Variants in SETD5 observed in about 807,000 individuals in gnomAD.
SETD5 encodes the protein SET domain containing 5.
Under a neutral mutation model 153.3 loss-of-function variants are expected in SETD5, and 44 were observed. That is an observed-to-expected ratio of 0.29 (90% confidence interval 0.23 to 0.37). The LOEUF (loss-of-function observed/expected upper bound fraction) is 0.37, where lower values mean the gene tolerates loss of function less well. SETD5 is among the 10% of genes least tolerant of loss of function. The pLI, the probability that SETD5 is intolerant of heterozygous loss-of-function variation, is 1.00. For synonymous variants in SETD5, 716 were observed against 645.2 expected (o/e 1.11, Z -1.66); for missense variants, 1,544 against 1,768.0 (o/e 0.87, Z 2.27).
At chr3:9,430,241 A>G in intron 3 of SETD5, 8 of 984,940 alleles carry the variant, frequency 8.1e-6, no homozygotes, top group Non-Finnish European at 9.6e-6. Context: ...AAAGCCACCT[A>G]ATATAACTTA....
chr3:9,462,337 C>G (rs2125469049), intron 17 of SETD5, among the ~76,000 whole-genome samples: 1 of 152,138 alleles, frequency 6.6e-6, no homozygotes, highest in Non-Finnish European at 1.5e-5. Context: ...CCTGTAATCC[C>G]AGCACTTTGG....
At chr3:9,412,152 AT>A (rs1302590377) in intron 1 of SETD5, among the ~76,000 whole-genome samples, 6 of 152,238 alleles carry the variant, frequency 3.9e-5, no homozygotes, top group African/African-American at 1.4e-4. Context: ...AGTAAGTTAT[AT>A]AACACCAGAT....
intron 1 of SETD5, among the ~76,000 whole-genome samples, chr3:9,403,125 G>A (rs1435683071): frequency 6.6e-6 from 1 of 152,102 alleles, no homozygotes; most frequent in African/African-American, 2.4e-5. Flanking sequence ...AGATTATTCA[G>A]TTTGGCATAC....
intron 1 of SETD5, among the ~76,000 whole-genome samples, chr3:9,401,897 A>G (rs1282200411): frequency 4.6e-5 from 7 of 152,246 alleles, no homozygotes; most frequent in African/African-American, 1.2e-4. Flanking sequence ...CAAAATGTGC[A>G]TCGTATATTT....
Position 9,431,836 on chromosome 3 carries a change from C to CA in SETD5, c.72-2000dup, listed in dbSNP as rs954653709. 1.5e-3 allele frequency: 771 copies of CA among 530,856 alleles called. 2 individuals are homozygous for CA. The highest frequency in any genetic ancestry group is 2.9e-3 in the Middle Eastern group (3 of 1,038). The allele number at this position is 530,856 out of a possible 1,614,324, so 32.9% of individuals were successfully genotyped here. On this transcript the variant is annotated intron_variant, in intron 3 of 22. Coordinates refer to ENST00000402198, the MANE Select transcript of SETD5 (RefSeq NM_001080517.3). ...TTCCTTTTTCCTGTCCCCCTCCCAC[C>CA]AAAAAAAAATCCATTCCTAATAAAC...
At chr3:9,423,223 T>C (rs1467903548) in intron 1 of SETD5, 1 of 152,260 alleles carries the variant, frequency 6.6e-6, no homozygotes, top group Non-Finnish European at 1.5e-5. Context: ...ATACAGAGAC[T>C]GTTGGCCATT....
chr3:9,467,641 C>G (rs1344691033), intron 18 of SETD5, among the ~76,000 whole-genome samples: 1 of 152,092 alleles, frequency 6.6e-6, no homozygotes, highest in Non-Finnish European at 1.5e-5. Flanking sequence ...ATTAGGCACC[C>G]TCTCCTTACC....
chr3:9,471,693 A>G (rs1358158882), intron 19 of SETD5, among the ~76,000 whole-genome samples: 1 of 152,192 alleles, frequency 6.6e-6, no homozygotes, highest in Non-Finnish European at 1.5e-5. Flanking sequence ...CACAAAGCCA[A>G]AAATATGCTT....
intron 12 of SETD5, 114 bp from the exon 13 acceptor site, chr3:9,445,543 G>A: frequency 2.0e-6 from 2 of 980,690 alleles, no homozygotes; most frequent in Non-Finnish European, 3.1e-6. Flanking sequence ...CCTCACATGA[G>A]TTAACAGTTT....
intron 1 of SETD5, among the ~76,000 whole-genome samples, chr3:9,408,877 T>C (rs2036130595): frequency 6.6e-6 from 1 of 152,166 alleles, no homozygotes; most frequent in South Asian, 2.1e-4. Flanking sequence ...TATTTATTAA[T>C]ATTAAAATAA....
chr3:9,465,930 A>C (rs1455354550), intron 18 of SETD5, among the ~76,000 whole-genome samples: 2 of 152,202 alleles, frequency 1.3e-5, no homozygotes, highest in African/African-American at 4.8e-5. Context: ...TGGAGGGCAT[A>C]AGATTATAGG....
At chr3:9,438,927 C>G (rs900609633) in intron 7 of SETD5, among the ~76,000 whole-genome samples, 2 of 152,196 alleles carry the variant, frequency 1.3e-5, no homozygotes, top group African/African-American at 4.8e-5. Flanking sequence ...CAATTGAGAA[C>G]CACTACTCTA....
At chr3:9,464,723 T>C in intron 18 of SETD5, 51 bp downstream of exon 18, 1 of 1,612,364 alleles carries the variant, frequency 6.2e-7, no homozygotes. Flanking sequence ...TCATCATTTG[T>C]ACCTTCTCAT....
chr3:9,429,630 C>G (rs766898385), intron 3 of SETD5, among the ~76,000 whole-genome samples: 1 of 152,092 alleles, frequency 6.6e-6, no homozygotes, highest in Non-Finnish European at 1.5e-5. Flanking sequence ...ATTATACTCT[C>G]AATTCTTGAA....
intron 2 of SETD5, among the ~76,000 whole-genome samples, chr3:9,425,867 CTT>C (rs1366700863): frequency 6.6e-6 from 1 of 152,074 alleles, no homozygotes; most frequent in African/African-American, 2.4e-5. Context: ...TGGTTTAAGT[CTT>C]TTACTGAAAA....
intron 1 of SETD5, among the ~76,000 whole-genome samples, chr3:9,422,493 G>C (rs1490680952): frequency 1.3e-5 from 2 of 151,976 alleles, no homozygotes; most frequent in Non-Finnish European, 1.5e-5. Context: ...TCCCAAAAAG[G>C]TTTTCTTATG....
At chr3:9,436,221 C>T (rs2040551510) in intron 7 of SETD5, among the ~76,000 whole-genome samples, 1 of 152,176 alleles carries the variant, frequency 6.6e-6, no homozygotes, top group African/African-American at 2.4e-5. Context: ...CTTACAGTAT[C>T]TCCCCACCTC....
Position 9,447,769 on chromosome 3 carries a change from C to T in SETD5, c.1866C>T (p.Tyr622=). 6.2e-7 allele frequency: 1 copy of T among 1,614,030 alleles called. No homozygotes were observed. Among genetic ancestry groups the T allele is most frequent in the Non-Finnish European group, 8.5e-7 (1 of 1,179,900 alleles). ...GGCCGAAGAGTCGAATTTCTCGGTA[C>T]AGGACCAGTTCAGCCCAAAGACTAA... ...RPRPKSRISR[Y]RTSSAQRLKR... Residue 622 remains tyrosine, a synonymous_variant, in exon 15 of 23, where the codon TAC becomes TAT. Coordinates refer to ENST00000402198, the MANE Select transcript of SETD5 (RefSeq NM_001080517.3).
chr3:9,454,569 C>G (rs2042988993), intron 17 of SETD5, among the ~76,000 whole-genome samples: 1 of 130,352 alleles, frequency 7.7e-6, no homozygotes, highest in African/African-American at 2.9e-5. Context: ...TTACAGTGAG[C>G]CAAGATCACG....
Sources: allele counts gnomAD v4.1 joint callset (sites outside exome capture counted in the v4.1 genomes callset), GRCh38; gene constraint gnomAD v4.1.1; transcripts MANE v1.5; gene names NCBI Gene and HGNC (gene_info 2026-07-23, HGNC 2026-07-21).